Variants in ADGRL3 observed in about 807,000 individuals in gnomAD.
The protein encoded by ADGRL3 is adhesion G protein-coupled receptor L3, also known as calcium-independent alpha-latrotoxin receptor 3.
ADGRL3 carries 62 observed loss-of-function variants against 153.5 expected under a neutral mutation model. The observed-to-expected ratio is 0.40, with a 90% confidence interval of 0.33 to 0.50. ADGRL3 has a LOEUF of 0.50. Ranked by LOEUF, ADGRL3 falls within the 20% of genes least tolerant of loss-of-function variation. The probability of loss-of-function intolerance (pLI) is 0.47; values close to 1 mark genes in which losing one functional copy is unlikely to be tolerated. For synonymous variants in ADGRL3, 710 were observed against 672.5 expected (o/e 1.06, Z -0.86); for missense variants, 1,641 against 1,859.4 (o/e 0.88, Z 2.16).
chr4:61,821,049 T>C (rs1187652650), intron 9 of ADGRL3, among the ~76,000 whole-genome samples: 2 of 152,142 alleles, frequency 1.3e-5, no homozygotes, highest in Non-Finnish European at 2.9e-5. Context: ...GAGACTTTGT[T>C]GTTTTTATTT....
intron 1 of ADGRL3, among the ~76,000 whole-genome samples, chr4:61,256,507 G>A (rs1372669415): frequency 6.6e-6 from 1 of 152,030 alleles, no homozygotes; most frequent in Non-Finnish European, 1.5e-5. Flanking sequence ...GTATGAGCCA[G>A]TAAAAGGACT....
intron 4 of ADGRL3, among the ~76,000 whole-genome samples, chr4:61,581,268 C>A (rs148003244): frequency 6.6e-6 from 1 of 151,994 alleles, no homozygotes; most frequent in East Asian, 2.0e-4. Context: ...GTGGGAAGAG[C>A]TGTTACTAGT....
intron 6 of ADGRL3, among the ~76,000 whole-genome samples, chr4:61,712,727 A>C (rs1307676409): frequency 6.6e-6 from 1 of 152,202 alleles, no homozygotes; most frequent in African/African-American, 2.4e-5. Flanking sequence ...CCACTATGTG[A>C]ACATACTTTG....
chr4:62,017,067 A>G (rs2099215417), intron 21 of ADGRL3, among the ~76,000 whole-genome samples: 1 of 151,906 alleles, frequency 6.6e-6, no homozygotes, highest in African/African-American at 2.4e-5. Context: ...ACATTATTAA[A>G]TAGATAGAAC....
At chr4:61,510,330 T>C (rs2098456846) in intron 3 of ADGRL3, among the ~76,000 whole-genome samples, 1 of 152,178 alleles carries the variant, frequency 6.6e-6, no homozygotes, top group Non-Finnish European at 1.5e-5. Flanking sequence ...AAATTCTTTC[T>C]TAAGGCTGAT....
intron 5 of ADGRL3, among the ~76,000 whole-genome samples, chr4:61,620,492 A>G (rs1461188728): frequency 1.3e-5 from 2 of 152,158 alleles, no homozygotes; most frequent in African/African-American, 4.8e-5. Context: ...TCAGACTCCG[A>G]AAGAAGCCTA....
chr4:62,013,060 A>G (rs1212698477), intron 21 of ADGRL3, among the ~76,000 whole-genome samples: 1 of 152,184 alleles, frequency 6.6e-6, no homozygotes, highest in Non-Finnish European at 1.5e-5. Context: ...TGGACAGTGC[A>G]AACATTTGCG....
At chr4:61,241,856 T>G (rs1052293476) in intron 1 of ADGRL3, among the ~76,000 whole-genome samples, 12 of 152,142 alleles carry the variant, frequency 7.9e-5, no homozygotes, top group Non-Finnish European at 1.8e-4. Flanking sequence ...CTAAACATAC[T>G]AAATTTGCTA....
intron 21 of ADGRL3, among the ~76,000 whole-genome samples, chr4:62,022,987 A>G (rs1215279716): frequency 6.6e-6 from 1 of 151,538 alleles, no homozygotes; most frequent in East Asian, 2.0e-4. Context: ...TTTTAAGGCT[A>G]TAGTTGCCAT....
Position 61,850,526 on chromosome 4 carries a change from A to G in ADGRL3, c.1480+36637A>G, listed in dbSNP as rs146931081. Among the ~76,000 whole-genome samples, 20 of 152,304 alleles carry G rather than the reference A, an allele frequency of 1.3e-4. No homozygotes were observed. The East Asian group carries it at 3.5e-3, about 26-fold the overall frequency. On this transcript the variant is annotated intron_variant, in intron 9 of 26. Transcript: ENST00000683033. The stretch of plus-strand genomic sequence containing the variant: ...GTAACCAAGTGAATAGTCCTGATCT[A>G]TTTTAGCTCCTGTGTCTAATTTCTG...
intron 1 of ADGRL3, among the ~76,000 whole-genome samples, chr4:61,246,553 G>A: frequency 6.6e-6 from 1 of 151,750 alleles, no homozygotes; most frequent in East Asian, 1.9e-4. Flanking sequence ...TTGAAACTTA[G>A]CAATATTGGC....
chr4:61,574,170 C>A (rs2098852033), intron 4 of ADGRL3, among the ~76,000 whole-genome samples: 1 of 151,832 alleles, frequency 6.6e-6, no homozygotes, highest in Admixed American at 6.6e-5. Flanking sequence ...TCCATCAGAC[C>A]TAAACTAAAC....
In ADGRL3 at chr4:61,711,461, TATA is replaced by T. The variant is rs2095983467; in HGVS notation, c.584-19160_584-19158del. Among the ~76,000 whole-genome samples the T allele has an allele frequency of 4.7e-4, 33 of 70,112 alleles. 3 individuals are homozygous for T. Among genetic ancestry groups the T allele is most frequent in the East Asian group, 4.6e-3 (7 of 1,536 alleles). The allele number at this position is 70,112 out of a possible 152,430, so 46.0% of individuals were successfully genotyped here. A position where few individuals can be genotyped will look rare whatever the true frequency, so the allele number is the denominator to read the frequency against. ...CTATCTTAAAACATATGCTTCATTATATATATATATATATATATATATATATAT... is the reference window on the plus strand; with the variant it reads ...CTATCTTAAAACATATGCTTCATTATTATATATATATATATATATATATAT... On this transcript the variant is annotated intron_variant, in intron 6 of 26. Coordinates refer to ENST00000683033, the MANE Select transcript of ADGRL3 (RefSeq NM_001387552.1).
chr4:61,223,871 AAC>A (rs911335852), intron 1 of ADGRL3, among the ~76,000 whole-genome samples: 7 of 152,168 alleles, frequency 4.6e-5, no homozygotes, highest in African/African-American at 1.7e-4. Context: ...TTCCAAATAT[AAC>A]ACTCTGAATT....
intron 1 of ADGRL3, among the ~76,000 whole-genome samples, chr4:61,344,468 C>T (rs1283453667): frequency 6.6e-6 from 1 of 152,156 alleles, no homozygotes; most frequent in Non-Finnish European, 1.5e-5. Flanking sequence ...CCTTGAATAA[C>T]GTCCCCTAAA....
At chr4:61,789,990 C>A (rs1008838083) in intron 8 of ADGRL3, among the ~76,000 whole-genome samples, 1 of 152,100 alleles carries the variant, frequency 6.6e-6, no homozygotes, top group African/African-American at 2.4e-5. Flanking sequence ...AATATTCTAC[C>A]TAAATGAGAG....
At chr4:61,476,223 C>A (rs1479662922) in intron 2 of ADGRL3, among the ~76,000 whole-genome samples, 1 of 152,032 alleles carries the variant, frequency 6.6e-6, no homozygotes, top group Non-Finnish European at 1.5e-5. Flanking sequence ...AATAACTCTT[C>A]TTTTATTTTT....
chr4:61,385,877 C>G (rs2096730026), intron 2 of ADGRL3: 1 of 152,068 alleles, frequency 6.6e-6, no homozygotes, highest in Non-Finnish European at 1.5e-5. Flanking sequence ...TAGACACAGA[C>G]TCACATTTTC....
chr4:61,803,775 AAATC>A (rs2097525807), intron 8 of ADGRL3, among the ~76,000 whole-genome samples: 1 of 148,784 alleles, frequency 6.7e-6, no homozygotes, highest in African/African-American at 2.6e-5. Flanking sequence ...CAGTATCTTA[AAATC>A]AATCAAACTC....
Sources: gnomAD v4.1 joint callset for allele counts (sites outside exome capture counted in the v4.1 genomes callset) on GRCh38, gnomAD v4.1.1 for gene constraint, MANE v1.5 for transcripts, NCBI Gene and HGNC (gene_info 2026-07-23, HGNC 2026-07-21) for gene names.